ATP11A: variants seen among roughly 807,000 people sequenced by gnomAD.
ATP11A encodes the protein ATPase phospholipid transporting 11A, also known as phospholipid-transporting ATPase IH.
ATP11A carries 81 observed loss-of-function variants against 154.4 expected under a neutral mutation model. The observed-to-expected ratio is 0.52, with a 90% CI of 0.44 to 0.63. ATP11A has a LOEUF of 0.63. Among genes scored for constraint, ATP11A ranks in the 30% least tolerant of loss-of-function variants. The pLI is 0.00. For missense variants in ATP11A, 1,316 were observed against 1,474.3 expected, an observed-to-expected ratio of 0.89 and a Z score of 1.76; for synonymous variants, 623 against 585.9, an observed-to-expected ratio of 1.06 and a Z score of -0.91.
intron 5 of ATP11A, among the ~76,000 whole-genome samples, chr13:112,813,401 A>G (rs1375045319): frequency 6.6e-6 from 1 of 152,158 alleles, no homozygotes; most frequent in Non-Finnish European, 1.5e-5. Context: ...GTTTTCAGGC[A>G]GTCTAATTCC....
chr13:112,879,472 CTG>C (rs1307133508), intron 29 of ATP11A, among the ~76,000 whole-genome samples: 1 of 152,210 alleles, frequency 6.6e-6, no homozygotes, highest in Non-Finnish European at 1.5e-5. Context: ...CCTTAAGAAA[CTG>C]ATTAAATCAT....
intron 1 of ATP11A, among the ~76,000 whole-genome samples, chr13:112,730,079 G>A (rs1023179040): frequency 4.6e-5 from 7 of 152,186 alleles, no homozygotes; most frequent in African/African-American, 1.4e-4. Context: ...GGTGGAGGAC[G>A]AGTTTCTTCA....
intron 19 of ATP11A, among the ~76,000 whole-genome samples, chr13:112,854,807 G>C (rs2079876477): frequency 6.6e-6 from 1 of 152,200 alleles, no homozygotes. Flanking sequence ...AGACATGATG[G>C]ATAAAATATT....
intron 1 of ATP11A, among the ~76,000 whole-genome samples, chr13:112,761,772 C>T (rs1377689649): frequency 6.6e-6 from 1 of 152,202 alleles, no homozygotes; most frequent in Non-Finnish European, 1.5e-5. Flanking sequence ...CACACCATTG[C>T]ACACCTTAGT....
At chr13:112,821,959 G>T (rs1172842563) in intron 8 of ATP11A, among the ~76,000 whole-genome samples, 1 of 152,114 alleles carries the variant, frequency 6.6e-6, no homozygotes, top group African/African-American at 2.4e-5. Context: ...TGCCGGGGAG[G>T]ACGCGCGTGG....
At chr13:112,765,432 C>T (rs2077053481) in intron 1 of ATP11A, among the ~76,000 whole-genome samples, 1 of 152,252 alleles carries the variant, frequency 6.6e-6, no homozygotes, top group African/African-American at 2.4e-5. Flanking sequence ...CTGCTCCCTT[C>T]CCCTCACTCC....
chr13:112,831,321 G>T, intron 12 of ATP11A, 54 bp from the exon 13 acceptor site: 1 of 1,582,120 alleles, frequency 6.3e-7, no homozygotes, highest in Middle Eastern at 1.7e-4. Context: ...TGTCTGAGTC[G>T]GGGACGTGCG....
At chr13:112,710,230 C>G (rs1209317523) in intron 1 of ATP11A, among the ~76,000 whole-genome samples, 1 of 152,190 alleles carries the variant, frequency 6.6e-6, no homozygotes, top group African/African-American at 2.4e-5. Context: ...GTGTCTGCTG[C>G]CTTGGGGGCC....
intron 1 of ATP11A, among the ~76,000 whole-genome samples, chr13:112,727,122 A>G (rs760075910): frequency 2.2e-4 from 34 of 152,276 alleles, no homozygotes; most frequent in Non-Finnish European, 4.3e-4. Flanking sequence ...ATCTGGGCTC[A>G]CTGCAATCTC....
At chr13:112,858,077 T>A (rs2079985206) in intron 21 of ATP11A, 68 bp from the exon 22 acceptor site, 4 of 1,588,404 alleles carry the variant, frequency 2.5e-6, no homozygotes, top group Admixed American at 1.7e-5. Context: ...TCCGTTCTTC[T>A]CCCCGTCCCT....
intron 1 of ATP11A, among the ~76,000 whole-genome samples, chr13:112,738,922 G>A (rs994977368): frequency 1.3e-5 from 2 of 152,070 alleles, no homozygotes; most frequent in Non-Finnish European, 2.9e-5. Context: ...GATTCCTTGG[G>A]GTAGGAAGTG....
intron 5 of ATP11A, 48 bp downstream of exon 5, chr13:112,810,774 T>TA: frequency 6.4e-7 from 1 of 1,567,264 alleles, no homozygotes; most frequent in Non-Finnish European, 8.8e-7. Context: ...AGTAACTGTT[T>TA]AAAAAATAAG....
At chr13:112,699,868 T>G (rs1886317973) in intron 1 of ATP11A, among the ~76,000 whole-genome samples, 1 of 152,128 alleles carries the variant, frequency 6.6e-6, no homozygotes, top group Non-Finnish European at 1.5e-5. Context: ...GTCTCTCTTG[T>G]CCTGGGTGGT....
chr13:112,881,076 A>G, intron 29 of ATP11A: 2 of 987,420 alleles, frequency 2.0e-6, no homozygotes, highest in Non-Finnish European at 2.4e-6. Flanking sequence ...TGCCAGCCGG[A>G]GCACATAGCT....
At chr13:112,778,409 C>G (rs368083243) in intron 1 of ATP11A, among the ~76,000 whole-genome samples, 17 of 152,346 alleles carry the variant, frequency 1.1e-4, no homozygotes, top group African/African-American at 3.8e-4. Context: ...CAGAGTTGGA[C>G]GTAAAACACT....
At chr13:112,841,111 G>A (rs2079402822) in intron 16 of ATP11A, among the ~76,000 whole-genome samples, 1 of 152,238 alleles carries the variant, frequency 6.6e-6, no homozygotes, top group East Asian at 1.9e-4. Context: ...CTGGCAGAGT[G>A]CCACGTGGCT....
At chr13:112,709,911 G>T (rs1887548872) in intron 1 of ATP11A, among the ~76,000 whole-genome samples, 1 of 152,288 alleles carries the variant, frequency 6.6e-6, no homozygotes, top group African/African-American at 2.4e-5. Context: ...GCCCATGAGG[G>T]CATAGCCCAG....
intron 1 of ATP11A, among the ~76,000 whole-genome samples, chr13:112,755,137 A>C (rs565764154): frequency 7.1e-6 from 1 of 141,188 alleles, no homozygotes; most frequent in East Asian, 1.9e-4. Flanking sequence ...ACGTGTCCCC[A>C]AACAGTTACT....
At chr13:112,711,494 A>T (rs955716479) in intron 1 of ATP11A, among the ~76,000 whole-genome samples, 1 of 151,826 alleles carries the variant, frequency 6.6e-6, no homozygotes, top group African/African-American at 2.4e-5. Context: ...GGAACCTGAG[A>T]TCCAATTTTA....
Sources: gnomAD v4.1 joint callset for allele counts (sites outside exome capture counted in the v4.1 genomes callset) on GRCh38, gnomAD v4.1.1 for gene constraint, MANE v1.5 for transcripts, NCBI Gene and HGNC (gene_info 2026-07-23, HGNC 2026-07-21) for gene names.